The following MGAT4C variants were observed in gnomAD, a reference collection of about 807,000 sequenced individuals.
The protein encoded by MGAT4C is MGAT4 family member C.
Under a neutral mutation model 40.1 loss-of-function variants are expected in MGAT4C, and 19 were observed. That is an observed-to-expected ratio of 0.47 (90% CI 0.33 to 0.70). The LOEUF is 0.70. Among genes scored for constraint, MGAT4C ranks in the 30% least tolerant of loss-of-function variants. The pLI is 0.02. For synonymous variants in MGAT4C, 181 were observed against 187.1 expected (o/e 0.97, Z 0.27); for missense variants, 491 against 563.2 (o/e 0.87, Z 1.30).
At chr12:86,381,236 G>T (rs977101224) in intron 3 of MGAT4C, among the ~76,000 whole-genome samples, 1 of 152,066 alleles carries the variant, frequency 6.6e-6, no homozygotes, top group African/African-American at 2.4e-5. Flanking sequence ...ACCAAAAGGG[G>T]TTACTGCAGT....
chr12:86,384,582 ATCT>A (rs1956017535), intron 3 of MGAT4C, among the ~76,000 whole-genome samples: 1 of 152,244 alleles, frequency 6.6e-6, no homozygotes, highest in Non-Finnish European at 1.5e-5. Flanking sequence ...CAAGAAAAAC[ATCT>A]AAATTGTGAA....
rs553076482 is a variant in MGAT4C at position 85,973,675 on chromosome 12, A to C, written c.*5614T>G. 1.3e-5 allele frequency: 2 copies of C among 150,890 alleles called. No individual in the cohort carries two copies. The highest frequency in any genetic ancestry group is 4.8e-5 in the African/African-American group (2 of 41,328). 9.3% of individuals were successfully genotyped at this position (150,890 alleles called of 1,614,324 possible). On this transcript the variant is annotated 3_prime_UTR_variant, in exon 5 of 5. Transcript: ENST00000611864. The stretch of plus-strand genomic sequence containing the variant: ...TTTGATCATGCTATATTCTTAATTT[A>C]ATTGTACTTCTATGGTCATATACAA...
chr12:86,782,577 A>T (rs544309641), intron 1 of MGAT4C, among the ~76,000 whole-genome samples: 144 of 152,238 alleles, frequency 9.5e-4, no homozygotes, highest in African/African-American at 3.3e-3. Context: ...TGAGTTTTTT[A>T]AAATAATGCA....
chr12:86,224,072 T>A (rs1301153550), intron 1 of MGAT4C, among the ~76,000 whole-genome samples: 1 of 152,094 alleles, frequency 6.6e-6, no homozygotes, highest in Non-Finnish European at 1.5e-5. Context: ...GTGTACCTAC[T>A]AACACTATGG....
chr12:86,232,075 G>A (rs1480200347), intron 1 of MGAT4C, among the ~76,000 whole-genome samples: 1 of 150,764 alleles, frequency 6.6e-6, no homozygotes, highest in African/African-American at 2.4e-5. Context: ...CCGGGAGGCC[G>A]AGTGAGCCGA....
chr12:86,356,754 G>A (rs1009705428), intron 3 of MGAT4C, among the ~76,000 whole-genome samples: 1 of 139,602 alleles, frequency 7.2e-6, no homozygotes, highest in Non-Finnish European at 1.6e-5. Context: ...CCAACTGCAA[G>A]GTGGCAGTGA....
chr12:86,716,653 GA>G (rs1950649462), intron 2 of MGAT4C, among the ~76,000 whole-genome samples: 1 of 152,020 alleles, frequency 6.6e-6, no homozygotes, highest in South Asian at 2.1e-4. Flanking sequence ...GTAGAAAGGA[GA>G]AAAATGGCTT....
chr12:86,161,377 G>A (rs1324824223), intron 1 of MGAT4C, among the ~76,000 whole-genome samples: 1 of 151,888 alleles, frequency 6.6e-6, no homozygotes, highest in African/African-American at 2.4e-5. Context: ...ACCATTCTTT[G>A]ACAAGGCTGA....
intron 2 of MGAT4C, among the ~76,000 whole-genome samples, chr12:86,635,099 C>T (rs1963178273): frequency 1.3e-5 from 2 of 152,078 alleles, no homozygotes; most frequent in Admixed American, 6.6e-5. Context: ...CAGTTGCTTC[C>T]ACTGTTAGGT....
chr12:86,051,563 A>T (rs1162447584), intron 1 of MGAT4C, among the ~76,000 whole-genome samples: 3 of 151,844 alleles, frequency 2.0e-5, no homozygotes, highest in African/African-American at 7.2e-5. Flanking sequence ...AGATAATTTC[A>T]TCTGGTTAAA....
intron 1 of MGAT4C, among the ~76,000 whole-genome samples, chr12:86,192,601 A>T (rs1218429835): frequency 3.3e-5 from 5 of 152,180 alleles, no homozygotes; most frequent in Non-Finnish European, 7.3e-5. Context: ...GTGGCCCATG[A>T]AGAGTTGCAC....
intron 2 of MGAT4C, among the ~76,000 whole-genome samples, chr12:86,586,076 A>G (rs1222556695): frequency 6.9e-6 from 1 of 143,942 alleles, no homozygotes; most frequent in Non-Finnish European, 1.5e-5. Flanking sequence ...CATTAGGTAT[A>G]TCTCCTAAAG....
intron 3 of MGAT4C, among the ~76,000 whole-genome samples, chr12:86,372,830 T>C (rs986645654): frequency 2.6e-5 from 4 of 151,822 alleles, no homozygotes; most frequent in Non-Finnish European, 5.9e-5. Flanking sequence ...CTTTTGTCAC[T>C]AGATTTGTCA....
intron 1 of MGAT4C, among the ~76,000 whole-genome samples, chr12:86,834,017 T>A (rs1222102127): frequency 6.6e-6 from 1 of 151,924 alleles, no homozygotes; most frequent in East Asian, 1.9e-4. Flanking sequence ...CTTTCTTTTT[T>A]AATGCTGAAT....
intron 2 of MGAT4C, among the ~76,000 whole-genome samples, chr12:86,584,510 T>G (rs1960924811): frequency 1.3e-5 from 2 of 151,174 alleles, no homozygotes; most frequent in Admixed American, 1.3e-4. Context: ...TATTTACATT[T>G]GATCCCAGAG....
At chr12:86,707,192 C>A (rs1480605225) in intron 2 of MGAT4C, among the ~76,000 whole-genome samples, 3 of 152,030 alleles carry the variant, frequency 2.0e-5, no homozygotes, top group Non-Finnish European at 2.9e-5. Context: ...AAAAAGATAC[C>A]CAAAATTGTG....
Position 85,961,990 on chromosome 12 carries a change from A to T in MGAT4C, c.*17299T>A, listed in dbSNP as rs2136643671. ...TTTATTCATTTCTTTTGTGTATCTGAATGGAACATGTGGTAAACACAACAG... is the reference window on the plus strand; with the variant it reads ...TTTATTCATTTCTTTTGTGTATCTGTATGGAACATGTGGTAAACACAACAG... On this transcript the variant is annotated 3_prime_UTR_variant, in exon 5 of 5. Coordinates refer to ENST00000611864, the MANE Select transcript of MGAT4C (RefSeq NM_001351288.2). 1 of 152,000 alleles carries T rather than the reference A, an allele frequency of 6.6e-6. No homozygotes were observed. The highest frequency in any genetic ancestry group is 1.9e-4 in the East Asian group (1 of 5,180). The allele number at this position is 152,000 out of a possible 1,614,324, so 9.4% of individuals were successfully genotyped here. A position where few individuals can be genotyped will look rare whatever the true frequency, so the allele number is the denominator to read the frequency against.
At chr12:86,386,017 G>A (rs577437205) in intron 3 of MGAT4C, among the ~76,000 whole-genome samples, 145 of 152,068 alleles carry the variant, frequency 9.5e-4, no homozygotes, top group African/African-American at 3.4e-3. Flanking sequence ...TGCAACCTCC[G>A]CCTCCCGGAT....
chr12:86,507,605 T>A (rs1156721553), intron 2 of MGAT4C, among the ~76,000 whole-genome samples: 1 of 152,206 alleles, frequency 6.6e-6, no homozygotes, highest in East Asian at 1.9e-4. Context: ...ACCCCTCATG[T>A]GGAGCCAAGC....
Sources: allele counts gnomAD v4.1 joint callset (sites outside exome capture counted in the v4.1 genomes callset), GRCh38; gene constraint gnomAD v4.1.1; transcripts MANE v1.5; gene names NCBI Gene and HGNC (gene_info 2026-07-23, HGNC 2026-07-21).